CHN2: variants seen among roughly 807,000 people sequenced by gnomAD.
The protein encoded by CHN2 is beta-chimaerin.
CHN2 carries 35 observed loss-of-function variants against 56.3 expected under a neutral mutation model. The observed-to-expected ratio is 0.62, with a 90% CI of 0.47 to 0.82. The LOEUF (loss-of-function observed/expected upper bound fraction) is 0.82. CHN2 is among the 40% of genes least tolerant of loss of function. CHN2 has a pLI of 0.00. For missense variants in CHN2, 491 were observed against 580.5 expected (o/e 0.85, Z 1.58); for synonymous variants, 210 against 212.8 (o/e 0.99, Z 0.12).
chr7:29,206,078 C>T (rs1453124729), intron 1 of CHN2, among the ~76,000 whole-genome samples: 4 of 152,048 alleles, frequency 2.6e-5, no homozygotes, highest in Admixed American at 6.6e-5. Context: ...ACTAAAATAC[C>T]GGCTTCACAA....
chr7:29,219,306 T>G (rs1785589539), intron 1 of CHN2, among the ~76,000 whole-genome samples: 1 of 152,202 alleles, frequency 6.6e-6, no homozygotes, highest in Admixed American at 6.5e-5. Flanking sequence ...AAGGTGTATT[T>G]TACAATCTTT....
rs141714799 is a variant in CHN2 at position 29,306,047 on chromosome 7, C to G, written c.50-48578C>G. On this transcript the variant is annotated intron_variant, in intron 1 of 12. Transcript: ENST00000222792. ...CAGTGAAGATTGTGGGCCAAATGCA[C>G]AATCGTTGTCAGACAAGTATCTCAG... 2.6e-5 allele frequency among the ~76,000 whole-genome samples: 4 copies of G among 152,220 alleles called. No individual in the cohort carries two copies. In the East Asian group the frequency reaches 7.7e-4, roughly 29 times the overall value.
At chr7:29,468,390 A>T (rs1458354905) in intron 6 of CHN2, among the ~76,000 whole-genome samples, 2 of 151,968 alleles carry the variant, frequency 1.3e-5, no homozygotes, top group Non-Finnish European at 2.9e-5. Context: ...CATGGTTTGA[A>T]CTTCCACCAA....
At chr7:29,496,164 G>A in intron 8 of CHN2, 128 bp downstream of exon 8, 2 of 599,408 alleles carry the variant, frequency 3.3e-6, no homozygotes, top group African/African-American at 3.9e-5. Flanking sequence ...AGGGTTCAAG[G>A]CCTGTCTGTG....
At chr7:29,499,779 G>A (rs781711187) in intron 8 of CHN2, 88 bp from the exon 9 acceptor site, 21 of 1,242,128 alleles carry the variant, frequency 1.7e-5, no homozygotes, top group African/African-American at 4.5e-5. Context: ...CCCTTGGGTG[G>A]TGATATTTTT....
At chr7:29,147,898 G>C (rs1792982805) in intron 2 of CHN2, among the ~76,000 whole-genome samples, 3 of 152,220 alleles carry the variant, frequency 2.0e-5, no homozygotes, top group Admixed American at 1.3e-4. Flanking sequence ...TGAAAGGCCA[G>C]ATTGAAACTT....
At chr7:29,485,482 C>T (rs1787852675) in intron 7 of CHN2, among the ~76,000 whole-genome samples, 1 of 152,124 alleles carries the variant, frequency 6.6e-6, no homozygotes, top group Non-Finnish European at 1.5e-5. Flanking sequence ...AGGGGGCTCC[C>T]TAGTGCTGGA....
At chr7:29,425,290 C>T (rs940588813) in intron 6 of CHN2, among the ~76,000 whole-genome samples, 1 of 152,224 alleles carries the variant, frequency 6.6e-6, no homozygotes, top group Non-Finnish European at 1.5e-5. Flanking sequence ...CTGTCTTCTC[C>T]TCCCACTACT....
intron 1 of CHN2, chr7:29,332,795 T>C (rs1796323342): frequency 6.6e-6 from 1 of 151,806 alleles, no homozygotes; most frequent in African/African-American, 2.4e-5. Flanking sequence ...AGCTAAATGG[T>C]GTTTGGTAGG....
chr7:29,400,491 A>G (rs1318551901), intron 5 of CHN2, 52 bp from the exon 6 acceptor site: 9 of 1,564,544 alleles, frequency 5.8e-6, no homozygotes, highest in Non-Finnish European at 7.9e-6. Context: ...TTATCATTCC[A>G]CACTGTGCTT....
At chr7:29,498,796 T>C (rs1304282846) in intron 8 of CHN2, among the ~76,000 whole-genome samples, 1 of 137,840 alleles carries the variant, frequency 7.3e-6, no homozygotes, top group African/African-American at 2.8e-5. Flanking sequence ...AGAGTCTCCC[T>C]CTGTCACCAG....
intron 1 of CHN2, 30 bp from the exon 2 acceptor site, chr7:29,354,595 G>T: frequency 6.3e-7 from 1 of 1,585,936 alleles, no homozygotes. Flanking sequence ...TCAGGCTGAT[G>T]ATGGATTTCT....
chr7:29,212,728 C>G, intron 1 of CHN2: 1 of 1,607,960 alleles, frequency 6.2e-7, no homozygotes, highest in Non-Finnish European at 8.5e-7. Context: ...AGACCTGGTT[C>G]TAGAACCAGA....
At chr7:29,336,759 CAAAAAAAAAAAAAAAAAA>C (rs5883205) in intron 1 of CHN2, among the ~76,000 whole-genome samples, 4 of 68,554 alleles carry the variant, frequency 5.8e-5, no homozygotes, top group African/African-American at 2.6e-4. Context: ...GATTCTGTCT[CAAAAAAAAAAAAAAAAAA>C]AAAAAAAAAA....
chr7:29,344,702 T>C (rs1394400884), intron 1 of CHN2, among the ~76,000 whole-genome samples: 1 of 152,140 alleles, frequency 6.6e-6, no homozygotes, highest in African/African-American at 2.4e-5. Context: ...TACTCTTCTC[T>C]TTGTCTTTGG....
At chr7:29,196,071 G>A (rs1223329105) in intron 1 of CHN2, among the ~76,000 whole-genome samples, 2 of 152,168 alleles carry the variant, frequency 1.3e-5, no homozygotes, top group African/African-American at 4.8e-5. Context: ...CCATTGGGCT[G>A]TTTTTATTAT....
At chr7:29,398,550 T>C in intron 5 of CHN2, 64 bp downstream of exon 5, 1 of 1,015,066 alleles carries the variant, frequency 9.9e-7, no homozygotes, top group Non-Finnish European at 1.5e-6. Context: ...GTTTGCCCAT[T>C]TTTAAGAATT....
At chr7:29,435,449 G>A (rs1035421487) in intron 6 of CHN2, among the ~76,000 whole-genome samples, 1 of 152,218 alleles carries the variant, frequency 6.6e-6, no homozygotes, top group East Asian at 1.9e-4. Flanking sequence ...ACACCATAGA[G>A]TGTACTTACA....
chr7:29,270,976 T>C (rs1159646433), intron 1 of CHN2, among the ~76,000 whole-genome samples: 1 of 152,228 alleles, frequency 6.6e-6, no homozygotes, highest in African/African-American at 2.4e-5. Context: ...GGGCTTTTGA[T>C]GTTCCTAGTG....
Sources: gnomAD v4.1 joint callset for allele counts (sites outside exome capture counted in the v4.1 genomes callset) on GRCh38, gnomAD v4.1.1 for gene constraint, MANE v1.5 for transcripts, NCBI Gene and HGNC (gene_info 2026-07-23, HGNC 2026-07-21) for gene names.